CUL4A: variants seen among roughly 807,000 people sequenced by gnomAD.
CUL4A encodes cullin 4A, also known as cullin-4A.
Under a neutral mutation model 95.5 loss-of-function variants are expected in CUL4A, and 16 were observed. The observed-to-expected ratio is 0.17, with a 90% CI of 0.11 to 0.25. CUL4A has a LOEUF of 0.25. Ranked by LOEUF, CUL4A falls within the 10% of genes least tolerant of loss-of-function variation. CUL4A has a pLI of 1.00. For synonymous variants in CUL4A, 380 were observed against 353.1 expected (o/e 1.08, Z -0.85); for missense variants, 610 against 937.0 (o/e 0.65, Z 4.56).
intron 5 of CUL4A, among the ~76,000 whole-genome samples, chr13:113,231,719 C>A (rs192052300): frequency 1.1e-3 from 171 of 152,304 alleles, no homozygotes; most frequent in African/African-American, 4.0e-3. Flanking sequence ...GTAGTAGGGC[C>A]AGGATTCAAA....
In CUL4A at chr13:113,209,970, C is replaced by A; in HGVS notation, c.149-3C>A. 6.6e-7 allele frequency: 1 copy of A among 1,504,274 alleles called. No individual in the cohort carries two copies. 93.2% of individuals were successfully genotyped at this position (1,504,274 alleles called of 1,614,324 possible). The stretch of plus-strand genomic sequence containing the variant: ...AGCCGCCCGCTCTCCCTCCGCCCTG[C>A]AGACAGACCTCGGCTGCCCGACAAC... On this transcript the variant is annotated splice_region_variant and splice_polypyrimidine_tract_variant and intron_variant, in intron 1 of 19. Coordinates refer to ENST00000375440, the MANE Select transcript of CUL4A (RefSeq NM_001008895.4).
At position 113,261,758 on chromosome 13, in the gene CUL4A, G is replaced by A. The variant is rs566964138; in HGVS notation, c.2184+999G>A. Reference sequence around the variant, plus strand: ...TCAGGGGTAGAGTGTGGCAGACCAGGGCGCCCGCTCTGCTCTCGGGTAGTT... The same window carrying A: ...TCAGGGGTAGAGTGTGGCAGACCAGAGCGCCCGCTCTGCTCTCGGGTAGTT... On this transcript the variant is annotated intron_variant, in intron 19 of 19. Coordinates refer to ENST00000375440, the MANE Select transcript of CUL4A (RefSeq NM_001008895.4). Among the ~76,000 whole-genome samples the A allele has an allele frequency of 3.4e-5, 3 of 88,108 alleles. No homozygotes were observed. The South Asian group carries it at 1.5e-3, about 44-fold the overall frequency. The allele number at this position is 88,108 out of a possible 152,430, so 57.8% of individuals were successfully genotyped here.
At chr13:113,248,528 A>AT (rs2041913440) in intron 15 of CUL4A, among the ~76,000 whole-genome samples, 2 of 151,904 alleles carry the variant, frequency 1.3e-5, no homozygotes, top group Admixed American at 6.6e-5. Context: ...ACCATACTGT[A>AT]TTTTTTTATT....
Position 113,210,566 on chromosome 13 carries a change from TG to T in CUL4A, c.264+479del, listed in dbSNP as rs537900582. On this transcript the variant is annotated intron_variant, in intron 2 of 19. Coordinates refer to ENST00000375440, the MANE Select transcript of CUL4A (RefSeq NM_001008895.4). ...TCTGTTGTGTTTTGTGATTAGTGGT[TG>T]CCTTTAAGGTATTCAAACAGATTTG... is the stretch of plus-strand genomic sequence containing the variant. Among the ~76,000 whole-genome samples, 367 of 152,360 alleles carry T rather than the reference TG, an allele frequency of 2.4e-3. 2 individuals are homozygous for T. The highest frequency in any genetic ancestry group is 4.0e-3 in the Non-Finnish European group (273 of 68,030).
intron 19 of CUL4A, among the ~76,000 whole-genome samples, chr13:113,261,873 C>T (rs1320471957): frequency 4.6e-5 from 7 of 152,252 alleles, no homozygotes; most frequent in Admixed American, 6.5e-5. Flanking sequence ...CTCTGCCTCT[C>T]GGGTTCAAGC....
chr13:113,216,694 T>C (rs1233722570), intron 2 of CUL4A, among the ~76,000 whole-genome samples: 1 of 152,214 alleles, frequency 6.6e-6, no homozygotes, highest in Non-Finnish European at 1.5e-5. Context: ...TCTCAAAGTA[T>C]GATTGAGTGT....
At chr13:113,222,710 G>A (rs562695422) in intron 3 of CUL4A, among the ~76,000 whole-genome samples, 1 of 152,298 alleles carries the variant, frequency 6.6e-6, no homozygotes, top group South Asian at 2.1e-4. Flanking sequence ...AAGTTGGGAG[G>A]GCCAGTTGAG....
chr13:113,233,606 A>G (rs1007826827), intron 6 of CUL4A, among the ~76,000 whole-genome samples: 4 of 152,376 alleles, frequency 2.6e-5, no homozygotes, highest in African/African-American at 7.2e-5. Flanking sequence ...TGGAAAATAT[A>G]AACAGAGACA....
At chr13:113,229,579 T>C (rs920500325) in intron 5 of CUL4A, 60 bp downstream of exon 5, 15 of 1,387,536 alleles carry the variant, frequency 1.1e-5, no homozygotes, top group African/African-American at 1.4e-5. Context: ...TTCGTCCCGT[T>C]TGTGTCTTCC....
In CUL4A at chr13:113,263,468, T is replaced by G. The variant is rs769187094; in HGVS notation, c.2185-19T>G. On this transcript the variant is annotated intron_variant, in intron 19 of 19. Coordinates refer to ENST00000375440, the MANE Select transcript of CUL4A (RefSeq NM_001008895.4). ...TTTAATGCCATTGTAATTAGGGGGG[T>G]TTTATTCTTCTTTTTTAGCCTGGAG... is the stretch of plus-strand genomic sequence containing the variant. The G allele has an allele frequency of 1.4e-5, 22 of 1,538,096 alleles. No individual in the cohort carries two copies. Among genetic ancestry groups the G allele is most frequent in the Non-Finnish European group, 1.6e-5 (18 of 1,121,510 alleles).
intron 18 of CUL4A, among the ~76,000 whole-genome samples, chr13:113,258,009 T>TTTCTG (rs2042173476): frequency 6.6e-6 from 1 of 151,918 alleles, no homozygotes; most frequent in African/African-American, 2.4e-5. Context: ...CCAGCCATTT[T>TTTCTG]TTTTGTTTTG....
intron 7 of CUL4A, 45 bp from the exon 8 acceptor site, chr13:113,235,018 G>T: frequency 7.3e-7 from 1 of 1,371,970 alleles, no homozygotes; most frequent in South Asian, 1.2e-5. Flanking sequence ...GGATAGTGTC[G>T]ACATTCTTTT....
At chr13:113,208,959 C>T, upstream of CUL4A, 9 of 1,168,096 alleles carry the variant, frequency 7.7e-6, no homozygotes, top group Non-Finnish European at 9.5e-6. Context: ...GCTGACCCTT[C>T]GTCTGCCCCT....
intron 5 of CUL4A, among the ~76,000 whole-genome samples, chr13:113,232,957 T>G (rs1366233586): frequency 6.6e-6 from 1 of 152,010 alleles, no homozygotes; most frequent in African/African-American, 2.4e-5. Flanking sequence ...CCTAGCAGCG[T>G]CTCCAGGAAC....
At chr13:113,239,321 G>A (rs530039367) in intron 9 of CUL4A, 112 bp from the exon 10 acceptor site, 30 of 910,574 alleles carry the variant, frequency 3.3e-5, no homozygotes, top group Admixed American at 1.8e-5. Flanking sequence ...GTGGAGACCC[G>A]CCCAATTTCT....
chr13:113,244,534 A>G lies in CUL4A; in HGVS notation c.1333+20A>G, dbSNP rs768420270. 2 of 1,564,266 alleles carry G rather than the reference A, an allele frequency of 1.3e-6. No homozygotes were observed. The highest frequency in any genetic ancestry group is 1.3e-5 in the African/African-American group (1 of 74,186). On this transcript the variant is annotated intron_variant, in intron 12 of 19. Coordinates refer to ENST00000375440, the MANE Select transcript of CUL4A (RefSeq NM_001008895.4). ...TCCACGGTGAGACTCGGGCACTCAG[A>G]AAATGCTGCATAATCAAGAGGTGTA...
chr13:113,251,950 TCTCCTGAGGC>T (rs1358642109), intron 15 of CUL4A, among the ~76,000 whole-genome samples: 14 of 152,136 alleles, frequency 9.2e-5, no homozygotes, highest in Middle Eastern at 3.4e-3. Context: ...GCAGAGATGG[TCTCCTGAGGC>T]GAAACTGGTG....
At chr13:113,236,079 A>G (rs2041534133) in intron 8 of CUL4A, among the ~76,000 whole-genome samples, 1 of 152,218 alleles carries the variant, frequency 6.6e-6, no homozygotes, top group Admixed American at 6.5e-5. Flanking sequence ...AGCAGAGAAA[A>G]CAGGAGGAGA....
At chr13:113,232,644 C>T (rs982416355) in intron 5 of CUL4A, among the ~76,000 whole-genome samples, 7 of 152,162 alleles carry the variant, frequency 4.6e-5, no homozygotes, top group African/African-American at 1.7e-4. Flanking sequence ...CTGAGGACTG[C>T]GATGAACTCT....
Sources: gnomAD v4.1 joint callset for allele counts (sites outside exome capture counted in the v4.1 genomes callset) on GRCh38, gnomAD v4.1.1 for gene constraint, MANE v1.5 for transcripts, NCBI Gene and HGNC (gene_info 2026-07-23, HGNC 2026-07-21) for gene names.